The following CCNY variants were observed in gnomAD, a reference collection of about 807,000 sequenced individuals.
CCNY encodes the protein cyclin-Y.
Under a neutral mutation model 42.8 loss-of-function variants are expected in CCNY, and 19 were observed. The ratio of observed to expected loss-of-function variants is 0.44; its 90% CI spans 0.31 to 0.65. The LOEUF is 0.65. CCNY is among the 30% of genes least tolerant of loss of function. CCNY has a pLI of 0.07. For synonymous variants in CCNY, 165 were observed against 162.7 expected, an observed-to-expected ratio of 1.01 and a Z score of -0.11; for missense variants, 370 against 437.3, an observed-to-expected ratio of 0.85 and a Z score of 1.37.
At chr10:35,306,314 C>G (rs577594340) in intron 3 of CCNY, among the ~76,000 whole-genome samples, 3 of 152,226 alleles carry the variant, frequency 2.0e-5, no homozygotes, top group Admixed American at 6.5e-5. Flanking sequence ...GGATTACAGG[C>G]GTGAGCCACC....
chr10:35,501,689 A>G, intron 3 of CCNY, 154 bp downstream of exon 3: 1 of 666,866 alleles, frequency 1.5e-6, no homozygotes, highest in South Asian at 1.8e-5. Flanking sequence ...TTGTAATTGG[A>G]CAAGCATCAC....
Position 35,569,544 on chromosome 10 carries a change from G to A in CCNY, c.*374G>A. 3.7e-6 allele frequency: 1 copy of A among 271,408 alleles called. No individual in the cohort carries two copies. The highest frequency in any genetic ancestry group is 5.0e-5 in the South Asian group (1 of 19,896). The allele number at this position is 271,408 out of a possible 1,614,324, so 16.8% of individuals were successfully genotyped here. A position where few individuals can be genotyped will look rare whatever the true frequency, so the allele number is the denominator to read the frequency against. ...TGGCGAGCGCAGCGGTGGATGCAGAGCTGGCTGCACCCAGGGCTGGGCCAG... is the reference window on the plus strand; with the variant it reads ...TGGCGAGCGCAGCGGTGGATGCAGAACTGGCTGCACCCAGGGCTGGGCCAG... On this transcript the variant is annotated 3_prime_UTR_variant, in exon 10 of 10. Coordinates refer to ENST00000374704, the MANE Select transcript of CCNY (RefSeq NM_145012.6).
In CCNY at chr10:35,569,485, C is replaced by T. The variant is rs1381984884; in HGVS notation, c.*315C>T. Reference sequence around the variant, plus strand: ...AGGGAAAATGGTTAAGCAGCCCGGCCCTCTGGAGTCCCCATGGGGGCGGTA... The same window carrying T: ...AGGGAAAATGGTTAAGCAGCCCGGCTCTCTGGAGTCCCCATGGGGGCGGTA... On this transcript the variant is annotated 3_prime_UTR_variant, in exon 10 of 10. Coordinates refer to ENST00000374704, the MANE Select transcript of CCNY (RefSeq NM_145012.6). 1 of 375,038 alleles carries T rather than the reference C, an allele frequency of 2.7e-6. No individual in the cohort carries two copies. Among genetic ancestry groups the T allele is most frequent in the African/African-American group, 2.0e-5 (1 of 48,818 alleles). The allele number at this position is 375,038 out of a possible 1,614,324, so 23.2% of individuals were successfully genotyped here. A position where few individuals can be genotyped will look rare whatever the true frequency, so the allele number is the denominator to read the frequency against.
intron 3 of CCNY, among the ~76,000 whole-genome samples, chr10:35,303,221 C>T (rs750176587): frequency 1.3e-5 from 2 of 151,722 alleles, no homozygotes; most frequent in Non-Finnish European, 2.9e-5. Flanking sequence ...ACTCTTGTTG[C>T]CCAGGCTGGA....
At chr10:35,424,735 C>G (rs1838230276) in intron 1 of CCNY, among the ~76,000 whole-genome samples, 1 of 152,182 alleles carries the variant, frequency 6.6e-6, no homozygotes, top group Non-Finnish European at 1.5e-5. Context: ...AGCTGAGAAC[C>G]AAGGCGTGTT....
chr10:35,395,843 G>T (rs1465760216), intron 1 of CCNY, among the ~76,000 whole-genome samples: 1 of 152,198 alleles, frequency 6.6e-6, no homozygotes, highest in East Asian at 1.9e-4. Context: ...CATCTCTGAG[G>T]CTGGGTTTAG....
At chr10:35,494,110 A>G (rs573581785) in intron 2 of CCNY, among the ~76,000 whole-genome samples, 60 of 151,800 alleles carry the variant, frequency 4.0e-4, no homozygotes, top group Non-Finnish European at 7.2e-4. Flanking sequence ...GGACCCCCAC[A>G]TCTTAGAGTT....
intron 7 of CCNY, among the ~76,000 whole-genome samples, chr10:35,540,378 G>A (rs1564451389): frequency 6.6e-6 from 1 of 152,126 alleles, no homozygotes; most frequent in Middle Eastern, 3.2e-3. Context: ...AATCAACCCC[G>A]CATTCCGGGA....
At chr10:35,533,488 C>A (rs952093943) in intron 7 of CCNY, among the ~76,000 whole-genome samples, 6 of 152,176 alleles carry the variant, frequency 3.9e-5, no homozygotes, top group Non-Finnish European at 8.8e-5. Flanking sequence ...ACCGGACACA[C>A]ACCTGCCTCG....
At chr10:35,335,358 C>CGAT (rs1836001234), upstream of CCNY, among the ~76,000 whole-genome samples, 1 of 151,880 alleles carries the variant, frequency 6.6e-6, no homozygotes, top group Non-Finnish European at 1.5e-5. Context: ...CAAGGGCAGT[C>CGAT]GATGAGTTGT....
intron 1 of CCNY, among the ~76,000 whole-genome samples, chr10:35,363,841 CAG>C (rs1186206254): frequency 6.6e-6 from 1 of 152,160 alleles, no homozygotes; most frequent in Non-Finnish European, 1.5e-5. Context: ...AGGGAGGATT[CAG>C]AGTTGACCCT....
chr10:35,378,413 A>G (rs990115642), intron 1 of CCNY, among the ~76,000 whole-genome samples: 2 of 152,094 alleles, frequency 1.3e-5, no homozygotes, highest in Non-Finnish European at 2.9e-5. Flanking sequence ...CTGTTTTACA[A>G]TATAAAAGAA....
chr10:35,485,007 C>T (rs183069292), intron 2 of CCNY, among the ~76,000 whole-genome samples: 1 of 152,208 alleles, frequency 6.6e-6, no homozygotes, highest in Admixed American at 6.5e-5. Context: ...ATTCCCTTTC[C>T]TCTTCTGGAA....
chr10:35,466,574 A>G (rs1313460340), intron 1 of CCNY, among the ~76,000 whole-genome samples: 1 of 152,178 alleles, frequency 6.6e-6, no homozygotes, highest in Non-Finnish European at 1.5e-5. Flanking sequence ...CTCACACAGA[A>G]GGGAACAGGC....
chr10:35,292,528 C>T (rs566068060), intron 3 of CCNY, among the ~76,000 whole-genome samples: 1 of 151,458 alleles, frequency 6.6e-6, no homozygotes, highest in South Asian at 2.1e-4. Flanking sequence ...GCCTGGCTAA[C>T]TTTTGTATTA....
chr10:35,316,325 C>T (rs976038811), intron 3 of CCNY: 3 of 152,224 alleles, frequency 2.0e-5, no homozygotes, highest in Non-Finnish European at 4.4e-5. Context: ...CTCACCTTCT[C>T]CTTGATGGCA....
intron 1 of CCNY, among the ~76,000 whole-genome samples, chr10:35,415,664 C>G (rs1262749076): frequency 6.6e-6 from 1 of 152,178 alleles, no homozygotes; most frequent in Non-Finnish European, 1.5e-5. Context: ...AGAAAGGATG[C>G]GAGTCGAGAA....
intron 3 of CCNY, among the ~76,000 whole-genome samples, chr10:35,313,977 G>GAAAAAAAAAAAAAAAAAAAAAAAAAAAA: frequency 1.3e-5 from 1 of 79,798 alleles, no homozygotes; most frequent in Non-Finnish European, 2.4e-5. Context: ...GTTCATCTCG[G>GAAAAAAAAAAAAAAAAAAAAAAAAAAAA]AAAAAAAAAA....
chr10:35,427,880 T>C (rs1342471984), intron 1 of CCNY, among the ~76,000 whole-genome samples: 3 of 151,938 alleles, frequency 2.0e-5, no homozygotes, highest in Non-Finnish European at 1.5e-5. Flanking sequence ...AGTTCTGTTC[T>C]GGATCTAGCC....
Sources: gnomAD v4.1 joint callset for allele counts (sites outside exome capture counted in the v4.1 genomes callset) on GRCh38, gnomAD v4.1.1 for gene constraint, MANE v1.5 for transcripts, NCBI Gene and HGNC (gene_info 2026-07-23, HGNC 2026-07-21) for gene names.